TMEM132D: variants seen among roughly 807,000 people sequenced by gnomAD.
TMEM132D encodes the protein transmembrane protein 132D, also known as mature OL transmembrane protein.
A neutral mutation model predicts 62.3 loss-of-function variants in TMEM132D; 21 were observed. That is an observed-to-expected ratio of 0.34 (90% CI 0.24 to 0.49). The LOEUF is 0.49. Ranked by LOEUF, TMEM132D falls within the 20% of genes least tolerant of loss-of-function variation. The pLI is 0.99. For missense variants in TMEM132D, 1,346 were observed against 1,402.8 expected (o/e 0.96, Z 0.65); for synonymous variants, 621 against 575.6 (o/e 1.08, Z -1.13).
chr12:129,239,261 T>C (rs78176919), intron 4 of TMEM132D, among the ~76,000 whole-genome samples: 1 of 152,246 alleles, frequency 6.6e-6, no homozygotes, highest in African/African-American at 2.4e-5. Context: ...GTTAATTTTA[T>C]GTGTTTAAGA....
intron 2 of TMEM132D, among the ~76,000 whole-genome samples, chr12:129,589,677 T>A (rs544134364): frequency 1.3e-5 from 2 of 152,294 alleles, no homozygotes; most frequent in East Asian, 3.9e-4. Flanking sequence ...GGCTGCTTGA[T>A]GACTTGTGGG....
chr12:129,282,091 C>G (rs1370666604), intron 4 of TMEM132D, among the ~76,000 whole-genome samples: 1 of 151,964 alleles, frequency 6.6e-6, no homozygotes. Context: ...TCATCCCAGC[C>G]TCCACTCCTA....
At chr12:129,737,997 G>C (rs945749937) in intron 1 of TMEM132D, among the ~76,000 whole-genome samples, 3 of 152,172 alleles carry the variant, frequency 2.0e-5, no homozygotes, top group Non-Finnish European at 2.9e-5. Flanking sequence ...TAATTTATAA[G>C]GATCATTCAT....
intron 2 of TMEM132D, among the ~76,000 whole-genome samples, chr12:129,562,765 T>C (rs1029197074): frequency 7.2e-5 from 11 of 152,142 alleles, no homozygotes; most frequent in Admixed American, 2.6e-4. Flanking sequence ...AAAGGGCCCT[T>C]GCTCATGCTA....
chr12:129,144,326 A>G (rs1274584131), intron 5 of TMEM132D, among the ~76,000 whole-genome samples: 1 of 152,120 alleles, frequency 6.6e-6, no homozygotes, highest in Non-Finnish European at 1.5e-5. Context: ...TTTCCTTCCT[A>G]TGTTAACTCT....
chr12:129,710,259 A>G (rs894973612), intron 1 of TMEM132D, among the ~76,000 whole-genome samples: 4 of 151,868 alleles, frequency 2.6e-5, no homozygotes, highest in African/African-American at 9.7e-5. Context: ...AAATTTTCCC[A>G]TTATCGCTAA....
intron 3 of TMEM132D, among the ~76,000 whole-genome samples, chr12:129,386,451 C>T (rs1343130812): frequency 1.3e-5 from 2 of 151,930 alleles, no homozygotes; most frequent in Non-Finnish European, 2.9e-5. Flanking sequence ...AATACTAACA[C>T]TAATACCAAC....
chr12:129,470,828 G>T (rs142830939), intron 3 of TMEM132D, among the ~76,000 whole-genome samples: 1 of 152,170 alleles, frequency 6.6e-6, no homozygotes, highest in South Asian at 2.1e-4. Flanking sequence ...AAACACAGAG[G>T]AAGCTTGTCA....
In TMEM132D at chr12:129,681,013, T is replaced by C. The variant is rs544764675; in HGVS notation, c.968+18797A>G. Among the ~76,000 whole-genome samples the C allele has an allele frequency of 5.3e-5, 8 of 152,270 alleles. No individual in the cohort carries two copies. In the East Asian group the frequency reaches 1.5e-3, roughly 29 times the overall value. ...ACCCACAAGTTTCCTATCAGTGGCT[T>C]CAATTGACCAAATGTAATCAAAAGC... On this transcript the variant is annotated intron_variant, in intron 2 of 8. Transcript: ENST00000422113.
chr12:129,398,846 CCA>C (rs1228690578), intron 3 of TMEM132D, among the ~76,000 whole-genome samples: 11 of 128,544 alleles, frequency 8.6e-5, no homozygotes, highest in African/African-American at 4.8e-4. Flanking sequence ...ATCCATCCAT[CCA>C]TCCATCCATC....
intron 2 of TMEM132D, among the ~76,000 whole-genome samples, chr12:129,547,264 G>A (rs1473008728): frequency 6.6e-6 from 1 of 152,008 alleles, no homozygotes; most frequent in Admixed American, 6.6e-5. Context: ...CTAGAGACAG[G>A]GTCTCACTCT....
intron 1 of TMEM132D, among the ~76,000 whole-genome samples, chr12:129,804,075 G>C (rs1871891775): frequency 1.5e-5 from 1 of 68,896 alleles, no homozygotes; most frequent in South Asian, 6.0e-4. Context: ...AAGAGTCCAG[G>C]ACCAGATGGA....
At chr12:129,415,287 C>A (rs1042394473) in intron 3 of TMEM132D, among the ~76,000 whole-genome samples, 7 of 152,178 alleles carry the variant, frequency 4.6e-5, no homozygotes, top group African/African-American at 1.7e-4. Flanking sequence ...ATATTCCCAG[C>A]ACCAGTGTAC....
intron 2 of TMEM132D, among the ~76,000 whole-genome samples, chr12:129,601,331 T>C (rs140628834): frequency 3.3e-5 from 5 of 152,322 alleles, no homozygotes; most frequent in African/African-American, 1.2e-4. Flanking sequence ...TGTGACTAGC[T>C]TGATCTTCTA....
At chr12:129,551,989 C>A (rs1253128117) in intron 2 of TMEM132D, among the ~76,000 whole-genome samples, 1 of 152,118 alleles carries the variant, frequency 6.6e-6, no homozygotes, top group African/African-American at 2.4e-5. Flanking sequence ...CCTCTTCTGA[C>A]CAGAAAGTCC....
intron 4 of TMEM132D, among the ~76,000 whole-genome samples, chr12:129,226,036 G>A (rs377125726): frequency 3.3e-5 from 5 of 152,194 alleles, no homozygotes; most frequent in Non-Finnish European, 5.9e-5. Context: ...GGGAAGTTTC[G>A]AGCCGTAGAA....
intron 1 of TMEM132D, among the ~76,000 whole-genome samples, chr12:129,736,813 CTTTT>C (rs34164181): frequency 7.9e-6 from 1 of 126,894 alleles, no homozygotes; most frequent in Non-Finnish European, 1.6e-5. Context: ...ATGATGGTGC[CTTTT>C]TTTTTTTTTT....
At chr12:129,455,816 T>C (rs758896957) in intron 3 of TMEM132D, among the ~76,000 whole-genome samples, 11 of 152,208 alleles carry the variant, frequency 7.2e-5, no homozygotes, top group African/African-American at 2.2e-4. Flanking sequence ...GAAGAGACCA[T>C]GTCTAATAAA....
At chr12:129,099,974 C>T (rs1325698898) in intron 5 of TMEM132D, among the ~76,000 whole-genome samples, 13 of 141,694 alleles carry the variant, frequency 9.2e-5, no homozygotes, top group Admixed American at 6.8e-4. Flanking sequence ...TACAGGTGCC[C>T]GCCACTACGC....
Sources: gnomAD v4.1 joint callset for allele counts (sites outside exome capture counted in the v4.1 genomes callset) on GRCh38, gnomAD v4.1.1 for gene constraint, MANE v1.5 for transcripts, NCBI Gene and HGNC (gene_info 2026-07-23, HGNC 2026-07-21) for gene names.